Variants in ASIC1 observed in about 807,000 individuals in gnomAD.
ASIC1 encodes the protein acid-sensing ion channel 1.
ASIC1 carries 21 observed loss-of-function variants against 63.4 expected under a neutral mutation model. The ratio of observed to expected loss-of-function variants is 0.33; its 90% CI spans 0.23 to 0.48. The LOEUF (loss-of-function observed/expected upper bound fraction) is 0.48. ASIC1 is among the 20% of genes least tolerant of loss of function. The pLI, the probability that ASIC1 is intolerant of heterozygous loss-of-function variation, is 0.99. For missense variants in ASIC1, 478 were observed against 695.5 expected, an observed-to-expected ratio of 0.69 and a Z score of 3.52; for synonymous variants, 258 against 278.2, an observed-to-expected ratio of 0.93 and a Z score of 0.72.
intron 11 of ASIC1, 27 bp from the exon 12 acceptor site, chr12:50,081,518 C>T (rs753057490): frequency 1.2e-6 from 2 of 1,611,042 alleles, no homozygotes; most frequent in South Asian, 2.2e-5. Context: ...AGGGATAACC[C>T]GTCCCTGTCC....
At chr12:50,070,203 G>A (rs1950585173) in intron 3 of ASIC1, among the ~76,000 whole-genome samples, 3 of 152,212 alleles carry the variant, frequency 2.0e-5, no homozygotes, top group Middle Eastern at 3.4e-3. Context: ...TGTCTGCTTG[G>A]GCACCTCTCC....
chr12:50,079,623 G>A (rs534817408), intron 7 of ASIC1, among the ~76,000 whole-genome samples: 1 of 152,244 alleles, frequency 6.6e-6, no homozygotes, highest in Non-Finnish European at 1.5e-5. Context: ...ACACAGCTGT[G>A]AGGGGGCAGC....
Position 50,081,921 on chromosome 12 carries a change from C to A in ASIC1, c.*272C>A, listed in dbSNP as rs1950725190. 1 of 470,604 alleles carries A rather than the reference C, an allele frequency of 2.1e-6. No homozygotes were observed. Among genetic ancestry groups the A allele is most frequent in the Non-Finnish European group, 3.8e-6 (1 of 261,082 alleles). The allele number at this position is 470,604 out of a possible 1,614,324, so 29.2% of individuals were successfully genotyped here. On this transcript the variant is annotated 3_prime_UTR_variant, in exon 12 of 12. Transcript: ENST00000447966. Reference sequence around the variant, plus strand: ...GCTGCCCCTCTCTCCTCCATGCTGCCTCCCCTAGCTCCCAGCCTGAATTCT... The same window carrying A: ...GCTGCCCCTCTCTCCTCCATGCTGCATCCCCTAGCTCCCAGCCTGAATTCT...
At chr12:50,077,975 A>T in intron 4 of ASIC1, 25 bp from the exon 5 acceptor site, 4 of 1,595,904 alleles carry the variant, frequency 2.5e-6, no homozygotes, top group Non-Finnish European at 2.6e-6. Flanking sequence ...AGCCCTCCCA[A>T]CCCACACACT....
In ASIC1 at chr12:50,079,966, T is replaced by C. The variant is rs758091036; in HGVS notation, c.1116T>C (p.Tyr372=). 7 of 1,614,070 alleles carry C rather than the reference T, an allele frequency of 4.3e-6. No homozygotes were observed. Among genetic ancestry groups the C allele is most frequent in the South Asian group, 1.1e-5 (1 of 91,072 alleles). ...AAATGCCTTGCAACCTGACCCGCTA[T>C]GGCAAAGAGCTGTCCATGGTCAAGA... ...VCEMPCNLTR[Y]GKELSMVKIP... The change falls in exon 8 of 12, where the codon TAT becomes TAC. Residue 372 remains tyrosine, a synonymous_variant. Transcript: ENST00000447966.
At chr12:50,080,954 A>T in intron 9 of ASIC1, 148 bp from the exon 10 acceptor site, 1 of 860,864 alleles carries the variant, frequency 1.2e-6, no homozygotes, top group South Asian at 1.7e-5. Flanking sequence ...AGAAAACAAA[A>T]ATTCCACCTG....
chr12:50,066,848 A>T (rs1024329446), intron 3 of ASIC1, among the ~76,000 whole-genome samples: 1 of 152,158 alleles, frequency 6.6e-6, no homozygotes, highest in African/African-American at 2.4e-5. Flanking sequence ...TCTTCTGGGT[A>T]CCAAGCCCTA....
intron 9 of ASIC1, 176 bp downstream of exon 9, chr12:50,080,765 G>A: frequency 6.4e-7 from 1 of 1,558,618 alleles, no homozygotes. Flanking sequence ...CTTCTCTTAG[G>A]GCAAAGTGGA....
chr12:50,074,353 T>A lies in ASIC1; in HGVS notation c.559-2860T>A. 7.1e-7 allele frequency: 1 copy of A among 1,413,782 alleles called. No individual in the cohort carries two copies. 87.6% of individuals were successfully genotyped at this position (1,413,782 alleles called of 1,614,324 possible). A position where few individuals can be genotyped will look rare whatever the true frequency, so the allele number is the denominator to read the frequency against. The stretch of plus-strand genomic sequence containing the variant: ...TGGGGCTGGGGCTGGGGCTGATGAC[T>A]GTGCTGCCCCCTACCTCATCTGGCT... On this transcript the variant is annotated intron_variant, in intron 3 of 11. Transcript: ENST00000447966. This position sits in a 1 kb window ranked among gnomAD's most constrained non-coding sequence, Gnocchi z 4.2.
intron 3 of ASIC1, chr12:50,076,719 G>A (rs992790491): frequency 3.5e-6 from 1 of 282,172 alleles, no homozygotes; most frequent in African/African-American, 2.2e-5. Context: ...CTGGGGGCAG[G>A]GTTAAGGAAA....
At chr12:50,070,566 C>T (rs888147921) in intron 3 of ASIC1, among the ~76,000 whole-genome samples, 2 of 152,270 alleles carry the variant, frequency 1.3e-5, no homozygotes, top group East Asian at 3.9e-4. Context: ...GCGTGCACAC[C>T]CTTGTCTTTG....
chr12:50,071,290 G>A (rs1424781509), intron 3 of ASIC1, among the ~76,000 whole-genome samples: 4 of 130,334 alleles, frequency 3.1e-5, no homozygotes, highest in South Asian at 2.3e-4. Context: ...TTTTTGAGAC[G>A]GAGTCTTGCT....
chr12:50,075,401 G>A (rs548739581), intron 3 of ASIC1, among the ~76,000 whole-genome samples: 12 of 152,332 alleles, frequency 7.9e-5, no homozygotes, highest in Admixed American at 6.5e-4. Context: ...CCTCTGAACC[G>A]GCGCAAGACA....
At position 50,082,873 on chromosome 12, in the gene ASIC1, C is replaced by G. The variant is rs1950735072; in HGVS notation, c.*1224C>G. The G allele has an allele frequency of 6.5e-6, 1 of 152,966 alleles. No individual in the cohort carries two copies. The highest frequency in any genetic ancestry group is 1.5e-5 in the Non-Finnish European group (1 of 68,286). The allele number at this position is 152,966 out of a possible 1,614,324, so 9.5% of individuals were successfully genotyped here. On this transcript the variant is annotated 3_prime_UTR_variant, in exon 12 of 12. Transcript: ENST00000447966. ...CCTCTTTCTGGCCTCACCCTCTCCCCCAACCCGGGCACCCTCGGCCCTCCC... is the reference window on the plus strand; with the variant it reads ...CCTCTTTCTGGCCTCACCCTCTCCCGCAACCCGGGCACCCTCGGCCCTCCC...
chr12:50,065,317 G>A (rs902955878), intron 3 of ASIC1, among the ~76,000 whole-genome samples: 2 of 152,180 alleles, frequency 1.3e-5, no homozygotes, highest in African/African-American at 4.8e-5. Flanking sequence ...CAGCGAGAAT[G>A]AGAAGGGGTG....
chr12:50,077,508 TACCTGACTTC>T (rs1346486994), intron 4 of ASIC1, 145 bp downstream of exon 4: 3 of 1,206,754 alleles, frequency 2.5e-6, no homozygotes, highest in Non-Finnish European at 3.4e-6. Context: ...TCACTGACTC[TACCTGACTTC>T]CACACTCACA....
Position 50,078,895 on chromosome 12 carries a change from C to T in ASIC1, c.995-29C>T. ...ATCACCAGACCCCTTGAATTCCCAT[C>T]CTGCATCATTGTCTTTTCTCCTCTG... On this transcript the variant is annotated intron_variant, in intron 6 of 11. Transcript: ENST00000447966. This position sits in a 1 kb window ranked among gnomAD's most constrained non-coding sequence, Gnocchi z 6.0. 6.2e-7 allele frequency: 1 copy of T among 1,609,572 alleles called. No individual in the cohort carries two copies. The highest frequency in any genetic ancestry group is 8.5e-7 in the Non-Finnish European group (1 of 1,175,880).
chr12:50,075,360 G>T (rs1950644823), intron 3 of ASIC1, among the ~76,000 whole-genome samples: 1 of 152,210 alleles, frequency 6.6e-6, no homozygotes, highest in Admixed American at 6.5e-5. Flanking sequence ...CCACCAGGTG[G>T]CAGCAGCAAT....
Position 50,078,566 on chromosome 12 carries a change from T to C in ASIC1, c.983T>C (p.Val328Ala), listed in dbSNP as rs1950682579. 6.2e-7 allele frequency: 1 copy of C among 1,614,050 alleles called. No individual in the cohort carries two copies. Among genetic ancestry groups the C allele is most frequent in the Non-Finnish European group, 8.5e-7 (1 of 1,179,966 alleles). ...YLVENCNCRM[V>A]HMPGDAPYCT... ...GTGGAGAACTGCAACTGCCGCATGGTGCACATGCCAGGTCAGGCCTGGGGC... is the reference window on the plus strand; with the variant it reads ...GTGGAGAACTGCAACTGCCGCATGGCGCACATGCCAGGTCAGGCCTGGGGC... The change falls in exon 6 of 12, where the codon GTG becomes GCG. Residue 328 changes from valine to alanine, a missense_variant. By Grantham distance (64) the Val-to-Ala change is moderately conservative. Coordinates refer to ENST00000447966, the MANE Select transcript of ASIC1 (RefSeq NM_001095.4). This position sits in a 1 kb window ranked among gnomAD's most constrained non-coding sequence, Gnocchi z 6.0.
Sources: gnomAD v4.1 joint callset for allele counts (sites outside exome capture counted in the v4.1 genomes callset) on GRCh38, gnomAD v4.1.1 for gene constraint, Gnocchi (gnomAD v3.1) non-coding constraint, MANE v1.5 for transcripts, NCBI Gene and HGNC (gene_info 2026-07-23, HGNC 2026-07-21) for gene names.